The following KLRC3 variants were observed in gnomAD, a reference collection of about 807,000 sequenced individuals.
KLRC3 encodes the protein NKG2-E type II integral membrane protein.
KLRC3 carries 16 observed loss-of-function variants against 23.6 expected under a neutral mutation model. The observed-to-expected ratio is 0.68, with a 90% CI of 0.46 to 1.03. The LOEUF is 1.03. Among genes scored for constraint, KLRC3 ranks in the 50% least tolerant of loss-of-function variants. KLRC3 has a pLI of 0.00. For missense variants in KLRC3, 209 were observed against 232.2 expected (o/e 0.90, Z 0.65); for synonymous variants, 70 against 71.8 (o/e 0.98, Z 0.13).
rs2460735 is a variant in KLRC3 at position 10,416,582 on chromosome 12, A to T, written c.587+85T>A. On this transcript the variant is annotated intron_variant, in intron 5 of 6. Transcript: ENST00000396439. ...AACTTTCCACATCTTTCTTCATATC[A>T]ATGATTCCACATAGATTTATTCATA... 3,534 of 1,441,442 alleles carry T rather than the reference A, an allele frequency of 2.5e-3. 70 individuals are homozygous for T. In the African/African-American group the frequency reaches 0.047, roughly 19 times the overall value. The allele number at this position is 1,441,442 out of a possible 1,614,324, so 89.3% of individuals were successfully genotyped here. A position where few individuals can be genotyped will look rare whatever the true frequency, so the allele number is the denominator to read the frequency against.
chr12:10,414,904 C>T (rs1863617961), intron 6 of KLRC3, among the ~76,000 whole-genome samples: 1 of 151,886 alleles, frequency 6.6e-6, no homozygotes, highest in Non-Finnish European at 1.5e-5. Flanking sequence ...TTTCTATTTA[C>T]AGTAACAAAA....
chr12:10,413,480 A>G (rs752793718), intron 6 of KLRC3, among the ~76,000 whole-genome samples: 19 of 152,212 alleles, frequency 1.2e-4, no homozygotes, highest in Non-Finnish European at 2.2e-4. Context: ...AATGCTCATT[A>G]CCAAAATATA....
chr12:10,416,910 G>A (rs978115708), intron 4 of KLRC3, 143 bp from the exon 5 acceptor site: 93 of 665,914 alleles, frequency 1.4e-4, no homozygotes, highest in South Asian at 1.2e-3. Flanking sequence ...ACTCTTCAAC[G>A]TTTATACTTA....
chr12:10,418,866 T>A (rs892251981), intron 3 of KLRC3, among the ~76,000 whole-genome samples, 178 bp downstream of exon 3: 12 of 151,960 alleles, frequency 7.9e-5, no homozygotes, highest in African/African-American at 2.9e-4. Context: ...TGATTTTAAG[T>A]GAGTATTTCT....
intron 1 of KLRC3, 41 bp downstream of exon 1, chr12:10,420,323 A>C: frequency 1.3e-6 from 2 of 1,592,172 alleles, no homozygotes; most frequent in Non-Finnish European, 1.7e-6. Context: ...TCAACTGCAC[A>C]TCCCAGAACA....
intron 6 of KLRC3, among the ~76,000 whole-genome samples, chr12:10,413,339 A>G (rs1169353198): frequency 6.6e-6 from 1 of 152,368 alleles, no homozygotes; most frequent in East Asian, 1.9e-4. Context: ...GAAGATTTTG[A>G]AAAGGCACAG....
chr12:10,415,278 G>A (rs982226408), intron 6 of KLRC3, among the ~76,000 whole-genome samples: 1 of 152,146 alleles, frequency 6.6e-6, no homozygotes, highest in Non-Finnish European at 1.5e-5. Flanking sequence ...AACCATCACT[G>A]CTACTGAAAT....
intron 5 of KLRC3, among the ~76,000 whole-genome samples, chr12:10,416,017 A>C (rs1591600401): frequency 6.6e-6 from 1 of 152,210 alleles, no homozygotes; most frequent in Non-Finnish European, 1.5e-5. Flanking sequence ...GAAATAGTAC[A>C]GAACCTATAG....
chr12:10,416,773 A>G lies in KLRC3; in HGVS notation c.487-6T>C, dbSNP rs759579391. 5 of 1,566,376 alleles carry G rather than the reference A, an allele frequency of 3.2e-6. No individual in the cohort carries two copies. In the African/African-American group the frequency reaches 5.5e-5, roughly 17 times the overall value. On this transcript the variant is annotated splice_region_variant and splice_polypyrimidine_tract_variant and intron_variant, in intron 4 of 6. Transcript: ENST00000396439. ...AAAATGCTGGCCAGAAATTTCTAAA[A>G]GAAAAGAAATAATTTTCACTTAAAT...
intron 6 of KLRC3, among the ~76,000 whole-genome samples, chr12:10,414,779 A>G (rs1245104551): frequency 6.6e-6 from 1 of 151,964 alleles, no homozygotes; most frequent in Non-Finnish European, 1.5e-5. Context: ...AAAAAGAAAA[A>G]AAAAGAAAAA....
intron 3 of KLRC3, among the ~76,000 whole-genome samples, 177 bp downstream of exon 3, chr12:10,418,867 G>A (rs1255246128): frequency 2.6e-5 from 4 of 151,838 alleles, no homozygotes; most frequent in Admixed American, 6.6e-5. Flanking sequence ...GATTTTAAGT[G>A]AGTATTTCTA....
intron 5 of KLRC3, 128 bp from the exon 6 acceptor site, chr12:10,415,922 T>A: frequency 1.5e-6 from 1 of 678,440 alleles, no homozygotes; most frequent in South Asian, 1.9e-5. Flanking sequence ...CATATGCTAT[T>A]ACTAAAAGTC....
intron 6 of KLRC3, 121 bp downstream of exon 6, chr12:10,415,583 C>T (rs1863629047): frequency 2.1e-6 from 3 of 1,438,300 alleles, no homozygotes; most frequent in Middle Eastern, 1.9e-4. Context: ...ATTATTAGAG[C>T]AAATAACACA....
intron 6 of KLRC3, among the ~76,000 whole-genome samples, chr12:10,413,242 T>C (rs898564293): frequency 2.0e-5 from 3 of 152,204 alleles, no homozygotes; most frequent in African/African-American, 7.2e-5. Context: ...GAGAACCTTA[T>C]ATGGTTTTTA....
At chr12:10,415,582 G>A (rs564789302) in intron 6 of KLRC3, 122 bp downstream of exon 6, 1 of 1,431,648 alleles carries the variant, frequency 7.0e-7, no homozygotes, top group Admixed American at 2.3e-5. Context: ...TATTATTAGA[G>A]CAAATAACAC....
At position 10,412,366 on chromosome 12, in the gene KLRC3, A is replaced by G. The variant is rs921595261; in HGVS notation, c.*206T>C. The G allele has an allele frequency of 2.4e-5, 14 of 572,828 alleles. No homozygotes were observed. Among genetic ancestry groups the G allele is most frequent in the Non-Finnish European group, 4.0e-5 (13 of 326,102 alleles). The allele number at this position is 572,828 out of a possible 1,614,324, so 35.5% of individuals were successfully genotyped here. On this transcript the variant is annotated 3_prime_UTR_variant, in exon 7 of 7. Transcript: ENST00000396439. ...CATAACGGTCTGCATTTTAATATTA[A>G]TATTTGTTGTAAATGACTAATGCTT...
chr12:10,413,054 G>A (rs1455315916), intron 6 of KLRC3, among the ~76,000 whole-genome samples: 1 of 152,144 alleles, frequency 6.6e-6, no homozygotes, highest in Non-Finnish European at 1.5e-5. Context: ...AGCTTGGCTA[G>A]GAGACAGTTG....
Position 10,416,783 on chromosome 12 carries a change from T to G in KLRC3, c.487-16A>C, listed in dbSNP as rs536948017. ...CCAGAAATTTCTAAAAGAAAAGAAA[T>G]AATTTTCACTTAAATAATAATTATG... is the stretch of plus-strand genomic sequence containing the variant. On this transcript the variant is annotated splice_polypyrimidine_tract_variant and intron_variant, in intron 4 of 6. Coordinates refer to ENST00000396439, the MANE Select transcript of KLRC3 (RefSeq NM_002261.3). 545 of 1,542,354 alleles carry G rather than the reference T, an allele frequency of 3.5e-4. No individual in the cohort carries two copies. The highest frequency in any genetic ancestry group is 4.4e-4 in the Non-Finnish European group (507 of 1,139,538).
chr12:10,413,732 A>G (rs939935200), intron 6 of KLRC3, among the ~76,000 whole-genome samples: 4 of 151,940 alleles, frequency 2.6e-5, no homozygotes, highest in Non-Finnish European at 5.9e-5. Flanking sequence ...GCACCCATCA[A>G]CTCATCATTT....
Sources: gnomAD v4.1 joint callset for allele counts (sites outside exome capture counted in the v4.1 genomes callset) on GRCh38, gnomAD v4.1.1 for gene constraint, MANE v1.5 for transcripts, NCBI Gene and HGNC (gene_info 2026-07-23, HGNC 2026-07-21) for gene names.